The following C14orf119 variants were observed in gnomAD, a reference collection of about 807,000 sequenced individuals.
The protein encoded by C14orf119 is chromosome 14 open reading frame 119, also known as uncharacterized protein C14orf119.
In C14orf119, 17 loss-of-function variants were observed where a neutral mutation model predicts 13.5. That is an observed-to-expected ratio of 1.26 (90% CI 0.86 to 1.88). The LOEUF (loss-of-function observed/expected upper bound fraction) is 1.88. C14orf119 is among the 40% of genes most tolerant of loss of function. The pLI is 0.00. For synonymous variants in C14orf119, 61 were observed against 61.9 expected, an observed-to-expected ratio of 0.99 and a Z score of 0.07; for missense variants, 162 against 165.9, an observed-to-expected ratio of 0.98 and a Z score of 0.13.
At chr14:23,096,367 A>G (rs1243299005) in intron 1 of C14orf119, among the ~76,000 whole-genome samples, 2 of 151,024 alleles carry the variant, frequency 1.3e-5, no homozygotes, top group African/African-American at 2.4e-5. Context: ...AAATACAAAC[A>G]AATTAGCCGG....
rs916211719 is a variant in C14orf119 at position 23,100,281 on chromosome 14, G to A, written c.*2200G>A. On this transcript the variant is annotated 3_prime_UTR_variant, in exon 2 of 2. Coordinates refer to ENST00000319074, the MANE Select transcript of C14orf119 (RefSeq NM_017924.4). Reference sequence around the variant, plus strand: ...AAAAAGAAGAAGAAAAAGGTGGGGGGAGGGGACTAAGATCCCTATGTCCTA... The same window carrying A: ...AAAAAGAAGAAGAAAAAGGTGGGGGAAGGGGACTAAGATCCCTATGTCCTA... 7 of 385,562 alleles carry A rather than the reference G, an allele frequency of 1.8e-5. No individual in the cohort carries two copies. Among genetic ancestry groups the A allele is most frequent in the Non-Finnish European group, 2.9e-5 (6 of 209,096 alleles). 23.9% of individuals were successfully genotyped at this position (385,562 alleles called of 1,614,324 possible). A position where few individuals can be genotyped will look rare whatever the true frequency, so the allele number is the denominator to read the frequency against.
intron 1 of C14orf119, among the ~76,000 whole-genome samples, chr14:23,097,156 C>T (rs2048389189): frequency 8.0e-6 from 1 of 125,274 alleles, no homozygotes; most frequent in Non-Finnish European, 1.8e-5. Context: ...ACATTGAAGG[C>T]TCTTTCATCA....
In C14orf119 at chr14:23,098,654, G is replaced by A. The variant is rs79381626; in HGVS notation, c.*573G>A. ...TTCACACTGTTTGAATCGAACTCGC[G>A]GTGACTTTTTTTTTTTTTTAAAAAC... On this transcript the variant is annotated 3_prime_UTR_variant, in exon 2 of 2. Coordinates refer to ENST00000319074, the MANE Select transcript of C14orf119 (RefSeq NM_017924.4). The A allele has an allele frequency of 4.0e-3, 674 of 167,094 alleles. 4 individuals are homozygous for A. Among genetic ancestry groups the A allele is most frequent in the Non-Finnish European group, 6.6e-3 (452 of 68,756 alleles). The allele number at this position is 167,094 out of a possible 1,614,324, so 10.4% of individuals were successfully genotyped here.
rs576190336 is a variant in C14orf119 at position 23,100,241 on chromosome 14, C to T, written c.*2160C>T. 4.3e-5 allele frequency: 13 copies of T among 301,364 alleles called. No homozygotes were observed. The highest frequency in any genetic ancestry group is 1.7e-4 in the South Asian group (1 of 6,052). 18.7% of individuals were successfully genotyped at this position (301,364 alleles called of 1,614,324 possible). ...CTGCATTCCAGCCTGGGTGACAGAGCGAGACCCTGTCTCAAAAAAGAAGAA... is the reference window on the plus strand; with the variant it reads ...CTGCATTCCAGCCTGGGTGACAGAGTGAGACCCTGTCTCAAAAAAGAAGAA... On this transcript the variant is annotated 3_prime_UTR_variant, in exon 2 of 2. Transcript: ENST00000319074.
At position 23,097,516 on chromosome 14, in the gene C14orf119, CTT is replaced by C. The variant is rs10524243; in HGVS notation, c.-1-141_-1-140del. 4,379 of 701,314 alleles carry C rather than the reference CTT, an allele frequency of 6.2e-3. 129 individuals carry two copies. In the African/African-American group the frequency reaches 0.068, roughly 11 times the overall value. The allele number at this position is 701,314 out of a possible 1,614,324, so 43.4% of individuals were successfully genotyped here. ...TGGATAATAATCTAAATAAAGGACT[CTT>C]ATTATTTTGGGTCTTTGAATTCATA... On this transcript the variant is annotated intron_variant, in intron 1 of 1. Coordinates refer to ENST00000319074, the MANE Select transcript of C14orf119 (RefSeq NM_017924.4).
chr14:23,097,911 G>A lies in C14orf119; in HGVS notation c.253G>A (p.Ala85Thr). The change falls in exon 2 of 2, where the codon GCA becomes ACA. Residue 85 changes from alanine (A) to threonine (T), a missense_variant. Transcript: ENST00000319074. ...DSLEQLSVSG[A>T]DRPPSIFECQ... ...TCTGGAGCAGCTTAGTGTGTCTGGG[G>A]CAGACCGACCACCTTCTATCTTTGA... The A allele has an allele frequency of 6.2e-7, 1 of 1,614,120 alleles. No individual in the cohort carries two copies. Among genetic ancestry groups the A allele is most frequent in the Non-Finnish European group, 8.5e-7 (1 of 1,179,974 alleles).
chr14:23,097,636 TA>T (rs1322796113), intron 1 of C14orf119, 21 bp from the exon 2 acceptor site: 1 of 1,607,934 alleles, frequency 6.2e-7, no homozygotes, highest in East Asian at 2.2e-5. Flanking sequence ...GGAGAGCATA[TA>T]ACAGTGCTTT....
In C14orf119 at chr14:23,097,741, C is replaced by G; in HGVS notation, c.83C>G (p.Pro28Arg). ...PSVPHNTNPS[P>R]PLMSYITSQE... ...GTACCACACAATACTAACCCTTCCC[C>G]TCCTCTGATGTCTTACATCACCTCC... is the stretch of plus-strand genomic sequence containing the variant. Residue 28 changes from proline (P) to arginine (R), a missense_variant, in exon 2 of 2, where the codon CCT becomes CGT. By Grantham distance (103) the Pro-to-Arg change is moderately radical. Coordinates refer to ENST00000319074, the MANE Select transcript of C14orf119 (RefSeq NM_017924.4). 1 of 1,614,068 alleles carries G rather than the reference C, an allele frequency of 6.2e-7. No individual in the cohort carries two copies. Among genetic ancestry groups the G allele is most frequent in the South Asian group, 1.1e-5 (1 of 91,074 alleles).
Position 23,098,015 on chromosome 14 carries a change from G to T in C14orf119, c.357G>T (p.Glu119Asp), listed in dbSNP as rs2048400020. Residue 119 changes from glutamate (E) to aspartate (D), a missense_variant, in exon 2 of 2, where the codon GAG becomes GAT. By Grantham distance (45) the Glu-to-Asp change is conservative. Coordinates refer to ENST00000319074, the MANE Select transcript of C14orf119 (RefSeq NM_017924.4). ...QERNEFVRQL[E>D]FSEPDFVAKF... Reference sequence around the variant, plus strand: ...GCAATGAATTTGTCAGACAGCTGGAGTTCAGTGAGCCAGACTTCGTGGCAA... The same window carrying T: ...GCAATGAATTTGTCAGACAGCTGGATTTCAGTGAGCCAGACTTCGTGGCAA... The T allele has an allele frequency of 6.2e-7, 1 of 1,614,202 alleles. No individual in the cohort carries two copies.
In C14orf119 at chr14:23,099,289, T is replaced by A; in HGVS notation, c.*1208T>A. 1 of 413,454 alleles carries A rather than the reference T, an allele frequency of 2.4e-6. No homozygotes were observed. Among genetic ancestry groups the A allele is most frequent in the Non-Finnish European group, 4.4e-6 (1 of 226,140 alleles). The allele number at this position is 413,454 out of a possible 1,614,324, so 25.6% of individuals were successfully genotyped here. Reference sequence around the variant, plus strand: ...GTCATGTTCTGGGCAACATCACACCTCCCTTATTCCTCTAACTGGGACCCT... The same window carrying A: ...GTCATGTTCTGGGCAACATCACACCACCCTTATTCCTCTAACTGGGACCCT... On this transcript the variant is annotated 3_prime_UTR_variant, in exon 2 of 2. Coordinates refer to ENST00000319074, the MANE Select transcript of C14orf119 (RefSeq NM_017924.4).
intron 1 of C14orf119, 142 bp from the exon 2 acceptor site, chr14:23,097,516 C>CT (rs1423108672): frequency 1.9e-5 from 13 of 701,202 alleles, no homozygotes; most frequent in Admixed American, 2.6e-5. Flanking sequence ...ATAAAGGACT[C>CT]TTATTATTTT....
intron 1 of C14orf119, among the ~76,000 whole-genome samples, chr14:23,097,117 T>C (rs779231944): frequency 3.9e-5 from 6 of 152,178 alleles, no homozygotes; most frequent in Admixed American, 3.3e-4. Context: ...TGTTATGGAG[T>C]TGTTGGCATA....
chr14:23,099,727 G>T lies in C14orf119; in HGVS notation c.*1646G>T. ...GGCGCACGCCGCACCACCACGTCTG[G>T]CTAAGGGGCTTTACCCTTAAAGATA... On this transcript the variant is annotated 3_prime_UTR_variant, in exon 2 of 2. Transcript: ENST00000319074. 1 of 309,962 alleles carries T rather than the reference G, an allele frequency of 3.2e-6. No individual in the cohort carries two copies. The highest frequency in any genetic ancestry group is 6.2e-6 in the Non-Finnish European group (1 of 162,040). 19.2% of individuals were successfully genotyped at this position (309,962 alleles called of 1,614,324 possible).
chr14:23,097,980 G>A lies in C14orf119; in HGVS notation c.322G>A (p.Glu108Lys). 1.2e-6 allele frequency: 2 copies of A among 1,614,184 alleles called. No homozygotes were observed. Among genetic ancestry groups the A allele is most frequent in the Non-Finnish European group, 1.7e-6 (2 of 1,180,038 alleles). ...LWDQWFRGWAEQERNEFVRQL... is the reference protein window; with the variant it reads ...LWDQWFRGWAKQERNEFVRQL... ...GGATCAGTGGTTTCGAGGCTGGGCT[G>A]AGCAGGAGCGCAATGAATTTGTCAG... The change falls in exon 2 of 2, where the codon GAG becomes AAG. Residue 108 changes from glutamate to lysine, a missense_variant. Transcript: ENST00000319074.
At position 23,095,523 on chromosome 14, in the gene C14orf119, C is replaced by G; in HGVS notation, c.-98C>G. 2 of 552,130 alleles carry G rather than the reference C, an allele frequency of 3.6e-6. No individual in the cohort carries two copies. The highest frequency in any genetic ancestry group is 2.4e-5 in the South Asian group (1 of 41,710). The allele number at this position is 552,130 out of a possible 1,614,324, so 34.2% of individuals were successfully genotyped here. Reference sequence around the variant, plus strand: ...GAAGTGCGTGGGCTGCCGGGCTGGCCCAGCTTAGGGTTTTCAGGAAATTTG... The same window carrying G: ...GAAGTGCGTGGGCTGCCGGGCTGGCGCAGCTTAGGGTTTTCAGGAAATTTG... On this transcript the variant is annotated 5_prime_UTR_variant, in exon 1 of 2. Transcript: ENST00000319074.
chr14:23,096,248 G>A (rs2048369664), intron 1 of C14orf119, among the ~76,000 whole-genome samples: 1 of 152,192 alleles, frequency 6.6e-6, no homozygotes, highest in Non-Finnish European at 1.5e-5. Flanking sequence ...CGGGCGCGGT[G>A]GCTTACGCCT....
intron 1 of C14orf119, 32 bp from the exon 2 acceptor site, chr14:23,097,626 G>A (rs369817774): frequency 1.1e-4 from 175 of 1,589,160 alleles, no homozygotes; most frequent in South Asian, 1.0e-3. Flanking sequence ...TGCTCTACCT[G>A]GAGAGCATAT....
rs771695229 is a variant in C14orf119 at position 23,097,950 on chromosome 14, C to A, written c.292C>A (p.Leu98Ile). 10 of 1,614,074 alleles carry A rather than the reference C, an allele frequency of 6.2e-6. No homozygotes were observed. In the African/African-American group the frequency reaches 1.3e-4, roughly 22 times the overall value. ...TTCTATCTTTGAGTGCCAGCTACATCTTTGGGATCAGTGGTTTCGAGGCTG... is the reference window on the plus strand; with the variant it reads ...TTCTATCTTTGAGTGCCAGCTACATATTTGGGATCAGTGGTTTCGAGGCTG... ...PPSIFECQLHLWDQWFRGWAE... is the reference protein window; with the variant it reads ...PPSIFECQLHIWDQWFRGWAE... Residue 98 changes from leucine to isoleucine, a missense_variant, in exon 2 of 2, where the codon CTT becomes ATT. Transcript: ENST00000319074.
chr14:23,099,125 T>C lies in C14orf119; in HGVS notation c.*1044T>C. On this transcript the variant is annotated 3_prime_UTR_variant, in exon 2 of 2. Coordinates refer to ENST00000319074, the MANE Select transcript of C14orf119 (RefSeq NM_017924.4). ...GAATGGATCTTTAGAACTGTAAAACTTCACCCTTTTTTCATTGCCAGGCTA... is the reference window on the plus strand; with the variant it reads ...GAATGGATCTTTAGAACTGTAAAACCTCACCCTTTTTTCATTGCCAGGCTA... 2.4e-6 allele frequency: 1 copy of C among 409,916 alleles called. No individual in the cohort carries two copies. The highest frequency in any genetic ancestry group is 4.5e-6 in the Non-Finnish European group (1 of 224,454). The allele number at this position is 409,916 out of a possible 1,614,324, so 25.4% of individuals were successfully genotyped here. A position where few individuals can be genotyped will look rare whatever the true frequency, so the allele number is the denominator to read the frequency against.
Sources: gnomAD v4.1 joint callset for allele counts (sites outside exome capture counted in the v4.1 genomes callset) on GRCh38, gnomAD v4.1.1 for gene constraint, MANE v1.5 for transcripts, NCBI Gene and HGNC (gene_info 2026-07-23, HGNC 2026-07-21) for gene names.